SSC5D: variants seen among roughly 807,000 people sequenced by gnomAD.
SSC5D encodes soluble scavenger receptor cysteine-rich domain-containing protein SSC5D.
SSC5D carries 106 observed loss-of-function variants against 104.6 expected under a neutral mutation model. The observed-to-expected ratio is 1.01, with a 90% CI of 0.87 to 1.19. SSC5D has a LOEUF of 1.19. Among genes scored for constraint, SSC5D ranks in the 50% most tolerant of loss-of-function variants. The pLI is 0.00. For missense variants in SSC5D, 1,993 were observed against 2,153.8 expected (o/e 0.93, Z 1.48); for synonymous variants, 860 against 883.5 (o/e 0.97, Z 0.47).
In SSC5D at chr19:55,489,499, A is replaced by G. The variant is rs937463871; in HGVS notation, c.198A>G (p.Ala66=). ...VACRQLGCGG[A]LAAPGGAFFG... The stretch of plus-strand genomic sequence containing the variant: ...GCCGGCAGCTGGGCTGCGGAGGGGC[A>G]CTGGCCGCCCCGGGAGGCGCCTTCT... The change falls in exon 3 of 14, where the codon GCA becomes GCG. Residue 66 remains alanine (A), a synonymous_variant. Transcript: ENST00000389623. 37 of 1,470,416 alleles carry G rather than the reference A, an allele frequency of 2.5e-5. No homozygotes were observed. In the Admixed American group the frequency reaches 4.0e-4, roughly 16 times the overall value. The allele number at this position is 1,470,416 out of a possible 1,614,324, so 91.1% of individuals were successfully genotyped here.
rs185863429 is a variant in SSC5D, at chr19:55,507,494, G to A, written c.2786-5517G>A. Among the ~76,000 whole-genome samples, 321 of 150,548 alleles carry A rather than the reference G, an allele frequency of 2.1e-3. 1 individual carries two copies. Among genetic ancestry groups the A allele is most frequent in the Non-Finnish European group, 3.8e-3 (254 of 67,586 alleles). ...AGCCTGGCCAACATGGTGAAATCCC[G>A]TCTCTACTAAAAATGCAAACAATTA... On this transcript the variant is annotated intron_variant, in intron 12 of 13. Coordinates refer to ENST00000389623, the MANE Select transcript of SSC5D (RefSeq NM_001144950.2).
Position 55,517,832 on chromosome 19 carries a change from C to T in SSC5D, c.3556C>T (p.His1186Tyr), listed in dbSNP as rs1425131660. The change falls in exon 14 of 14, where the codon CAC becomes TAC. Residue 1186 changes from histidine (H) to tyrosine (Y), a missense_variant. Coordinates refer to ENST00000389623, the MANE Select transcript of SSC5D (RefSeq NM_001144950.2). ...PTTPHPTTTP[H>Y]PTTITHSTMI... Reference sequence around the variant, plus strand: ...CACCCCTCACCCCACCACGACCCCTCACCCCACCACCATCACTCACTCCAC... The same window carrying T: ...CACCCCTCACCCCACCACGACCCCTTACCCCACCACCATCACTCACTCCAC... 5 of 1,543,662 alleles carry T rather than the reference C, an allele frequency of 3.2e-6. No homozygotes were observed. Among genetic ancestry groups the T allele is most frequent in the South Asian group, 1.2e-5 (1 of 83,538 alleles).
intron 12 of SSC5D, chr19:55,504,065 T>G: frequency 2.6e-6 from 4 of 1,511,038 alleles, no homozygotes; most frequent in East Asian, 2.5e-5. Flanking sequence ...CGCCGTGACT[T>G]GGGGGTGGGT....
intron 6 of SSC5D, chr19:55,492,737 G>A (rs959983020): frequency 2.0e-5 from 3 of 152,136 alleles, no homozygotes; most frequent in Admixed American, 2.0e-4. Flanking sequence ...CAACAGAAAT[G>A]TACCCGAAGA....
At chr19:55,508,711 T>C (rs1418038745) in intron 12 of SSC5D, among the ~76,000 whole-genome samples, 1 of 89,402 alleles carries the variant, frequency 1.1e-5, no homozygotes, top group Non-Finnish European at 2.3e-5. Context: ...CTAACTCCTA[T>C]ACAGCAGGGA....
At position 55,500,374 on chromosome 19, in the gene SSC5D, C is replaced by T. The variant is rs200353179; in HGVS notation, c.2264C>T (p.Pro755Leu). ...GGGTCTCCAGAGTCACCCAAAGACCCGGCCCCCTCTCCCAGTGTTAGCACC... is the reference window on the plus strand; with the variant it reads ...GGGTCTCCAGAGTCACCCAAAGACCTGGCCCCCTCTCCCAGTGTTAGCACC... Reference protein sequence around the residue: ...PEGSPESPKDPAPSPSVSTTG... With the variant: ...PEGSPESPKDLAPSPSVSTTG... The change falls in exon 10 of 14, where the codon CCG becomes CTG. Residue 755 changes from proline to leucine, a missense_variant. Physicochemically the swap from Pro to Leu is moderately conservative, Grantham distance 98. Around this residue, in one of 6 missense-constraint regions of SSC5D, gnomAD observed 1,101 missense variants for 1,085.0 expected, o/e 1.01. Transcript: ENST00000389623. This position sits in a 1 kb window ranked among gnomAD's most constrained non-coding sequence, Gnocchi z 4.6. 59 of 1,551,162 alleles carry T rather than the reference C, an allele frequency of 3.8e-5. No homozygotes were observed. Among genetic ancestry groups the T allele is most frequent in the Admixed American group, 1.4e-4 (7 of 50,966 alleles).
rs962679429 is a variant in SSC5D, at chr19:55,517,255, G to T, written c.2979G>T (p.Arg993=). The change falls in exon 14 of 14, where the codon CGG becomes CGT. Residue 993 remains arginine (R), a synonymous_variant. Coordinates refer to ENST00000389623, the MANE Select transcript of SSC5D (RefSeq NM_001144950.2). The part of the protein sequence containing the change: ...GSPRKPWPER[R]PPRPAATRTA... ...CGAGGAAACCGTGGCCCGAGCGCCG[G>T]CCACCGCGGCCCGCTGCGACCAGGA... 3.2e-6 allele frequency: 5 copies of T among 1,542,630 alleles called. No individual in the cohort carries two copies. The South Asian group carries it at 4.8e-5, about 15-fold the overall frequency.
Position 55,498,196 on chromosome 19 carries a change from T to A in SSC5D, c.1704T>A (p.Thr568=). ...AHNEDVGVTC[T]GPPGLDSISD... ...ATGAGGATGTTGGGGTCACCTGCAC[T>A]GGTAAGGAGGCCCTAGCTATCTGTT... The change falls in exon 9 of 14, where the codon ACT becomes ACA. Residue 568 remains threonine (T), a splice_region_variant and synonymous_variant. Coordinates refer to ENST00000389623, the MANE Select transcript of SSC5D (RefSeq NM_001144950.2). 6.4e-7 allele frequency: 1 copy of A among 1,551,656 alleles called. No individual in the cohort carries two copies. Among genetic ancestry groups the A allele is most frequent in the Non-Finnish European group, 8.7e-7 (1 of 1,146,964 alleles).
chr19:55,493,964 CGGAGGGG>C, intron 7 of SSC5D, 52 bp downstream of exon 7: 4 of 603,532 alleles, frequency 6.6e-6, no homozygotes, highest in Non-Finnish European at 6.0e-6. Flanking sequence ...GTGCTTGGAG[CGGAGGGG>C]CAAGTTCGGC....
chr19:55,514,190 G>C (rs1987816693), intron 13 of SSC5D, among the ~76,000 whole-genome samples: 1 of 151,976 alleles, frequency 6.6e-6, no homozygotes, highest in Non-Finnish European at 1.5e-5. Flanking sequence ...CAGATCACGA[G>C]GTCAGGAGAT....
intron 5 of SSC5D, among the ~76,000 whole-genome samples, 154 bp from the exon 6 acceptor site, chr19:55,490,618 C>T (rs889977825): frequency 2.2e-4 from 34 of 152,184 alleles, no homozygotes; most frequent in African/African-American, 6.5e-4. Flanking sequence ...TGTCCTGGCC[C>T]GCTCAGGTCG....
chr19:55,490,848 C>T lies in SSC5D; in HGVS notation c.663C>T (p.Thr221=), dbSNP rs755723137. ...LEVWHGGRWG[T]VCDDGWDLRD... is the part of the protein sequence containing the mutation. ...TCTGGCACGGCGGGCGCTGGGGCAC[C>T]GTATGTGACGATGGCTGGGACCTGC... Residue 221 remains threonine (T), a synonymous_variant, in exon 6 of 14, where the codon ACC becomes ACT. Transcript: ENST00000389623. 8.4e-6 allele frequency: 13 copies of T among 1,547,148 alleles called. No individual in the cohort carries two copies. The South Asian group carries it at 1.2e-4, about 14-fold the overall frequency.
intron 7 of SSC5D, among the ~76,000 whole-genome samples, chr19:55,494,319 G>C (rs1223716270): frequency 6.6e-6 from 1 of 152,136 alleles, no homozygotes; most frequent in African/African-American, 2.4e-5. Flanking sequence ...CCTGCCTCCT[G>C]GCCCCCGGCG....
rs1785710224 is a variant in SSC5D at position 55,518,839 on chromosome 19, G to T, written c.4563G>T (p.Leu1521=). ...VEQERQERQA[L]LLGLTQLVEA... The stretch of plus-strand genomic sequence containing the variant: ...AGGAGCGGCAGGAGCGCCAAGCCCT[G>T]CTGCTGGGGCTGACGCAGCTGGTAG... Residue 1521 remains leucine, a synonymous_variant, in exon 14 of 14, where the codon CTG becomes CTT. Transcript: ENST00000389623. 6.5e-7 allele frequency: 1 copy of T among 1,550,354 alleles called. No homozygotes were observed. Among genetic ancestry groups the T allele is most frequent in the Non-Finnish European group, 8.7e-7 (1 of 1,146,986 alleles).
chr19:55,492,171 G>A (rs1246921793), intron 6 of SSC5D: 2 of 152,452 alleles, frequency 1.3e-5, no homozygotes, highest in Non-Finnish European at 2.9e-5. Flanking sequence ...GAGGCTCAGA[G>A]AGGTGACGTA....
chr19:55,518,302 A>G lies in SSC5D; in HGVS notation c.4026A>G (p.Pro1342=), dbSNP rs1468614182. ...CTGTCATCACTACTGTGTCCCTTCC[A>G]ACCTCCTTGGGGACAGAACTCTCCT... ...STPVITTVSL[P]TSLGTELSSP... Residue 1342 remains proline (P), a synonymous_variant, in exon 14 of 14, where the codon CCA becomes CCG. Transcript: ENST00000389623. 28 of 1,523,170 alleles carry G rather than the reference A, an allele frequency of 1.8e-5. No individual in the cohort carries two copies. Among genetic ancestry groups the G allele is most frequent in the Non-Finnish European group, 2.4e-5 (27 of 1,139,998 alleles). The allele number at this position is 1,523,170 out of a possible 1,614,324, so 94.4% of individuals were successfully genotyped here.
In SSC5D at chr19:55,517,380, C is replaced by G. The variant is rs1194818007; in HGVS notation, c.3104C>G (p.Ala1035Gly). The G allele has an allele frequency of 6.4e-7, 1 of 1,550,698 alleles. No individual in the cohort carries two copies. Among genetic ancestry groups the G allele is most frequent in the Non-Finnish European group, 8.7e-7 (1 of 1,146,924 alleles). ...AGTCGAGAGCTCACTCCCCACTCAG[C>G]CTTGACGTCCGAGGCGACCTCTGAC... ...DSSRELTPHS[A>G]LTSEATSDAP... The change falls in exon 14 of 14, where the codon GCC becomes GGC. Residue 1035 changes from alanine (A) to glycine (G), a missense_variant. By Grantham distance (60) the Ala-to-Gly change is moderately conservative (BLOSUM62 0). Transcript: ENST00000389623.
rs1283018539 is a variant in SSC5D at position 55,493,677 on chromosome 19, G to A, written c.978G>A (p.Gly326=). ...RLEVWHGGRW[G]SVCDDAWDLR... is the part of the protein sequence containing the mutation. Reference sequence around the variant, plus strand: ...AGGTCTGGCACGGGGGTCGCTGGGGGTCGGTGTGTGACGACGCCTGGGACC... The same window carrying A: ...AGGTCTGGCACGGGGGTCGCTGGGGATCGGTGTGTGACGACGCCTGGGACC... Residue 326 remains glycine, a synonymous_variant, in exon 7 of 14, where the codon GGG becomes GGA. Coordinates refer to ENST00000389623, the MANE Select transcript of SSC5D (RefSeq NM_001144950.2). The A allele has an allele frequency of 3.3e-6, 5 of 1,509,856 alleles. No individual in the cohort carries two copies. Among genetic ancestry groups the A allele is most frequent in the Non-Finnish European group, 3.5e-6 (4 of 1,135,702 alleles). 93.5% of individuals were successfully genotyped at this position (1,509,856 alleles called of 1,614,324 possible). A position where few individuals can be genotyped will look rare whatever the true frequency, so the allele number is the denominator to read the frequency against.
Position 55,518,560 on chromosome 19 carries a change from A to G in SSC5D, c.4284A>G (p.Pro1428=). 6.5e-7 allele frequency: 1 copy of G among 1,544,252 alleles called. No individual in the cohort carries two copies. Among genetic ancestry groups the G allele is most frequent in the Non-Finnish European group, 8.7e-7 (1 of 1,144,322 alleles). ...PNLTPPPTHT[P]HSASDLTVSP... Reference sequence around the variant, plus strand: ...TAACCCCTCCACCCACCCATACCCCACACTCAGCCTCTGACCTTACTGTGT... The same window carrying G: ...TAACCCCTCCACCCACCCATACCCCGCACTCAGCCTCTGACCTTACTGTGT... Residue 1428 remains proline, a synonymous_variant, in exon 14 of 14, where the codon CCA becomes CCG. Coordinates refer to ENST00000389623, the MANE Select transcript of SSC5D (RefSeq NM_001144950.2).
Sources: gnomAD v4.1 joint callset for allele counts (sites outside exome capture counted in the v4.1 genomes callset) on GRCh38, gnomAD v4.1.1 for gene constraint, gnomAD v4.1.1 regional missense constraint, Gnocchi (gnomAD v3.1) non-coding constraint, MANE v1.5 for transcripts, NCBI Gene and HGNC (gene_info 2026-07-23, HGNC 2026-07-21) for gene names.